NEU4: variants seen among roughly 807,000 people sequenced by gnomAD.
NEU4 encodes the protein neuraminidase 4, also known as sialidase-4.
Under a neutral mutation model 9.9 loss-of-function variants are expected in NEU4, and 7 were observed. The ratio of observed to expected loss-of-function variants is 0.71; its 90% CI spans 0.40 to 1.33. The LOEUF is 1.33. Among genes scored for constraint, NEU4 ranks in the 40% most tolerant of loss-of-function variants. NEU4 has a pLI of 0.01. For missense variants in NEU4, 717 were observed against 712.6 expected, an observed-to-expected ratio of 1.01 and a Z score of -0.07; for synonymous variants, 348 against 316.9, an observed-to-expected ratio of 1.10 and a Z score of -1.04.
At chr2:241,811,341 C>T (rs572115204) in intron 1 of NEU4, 32 of 1,427,846 alleles carry the variant, frequency 2.2e-5, no homozygotes, top group South Asian at 1.4e-4. Flanking sequence ...AGGGTCCTGA[C>T]GTAGCCCTGA....
At chr2:241,813,229 C>A in intron 1 of NEU4, 2 of 703,720 alleles carry the variant, frequency 2.8e-6, no homozygotes, top group Non-Finnish European at 3.5e-6. Flanking sequence ...TGGGTCCCGC[C>A]TGACCCGTGG....
chr2:241,817,341 G>C lies in NEU4; in HGVS notation c.*293G>C, dbSNP rs1700391419. On this transcript the variant is annotated 3_prime_UTR_variant, in exon 4 of 4. Coordinates refer to ENST00000407683, the MANE Select transcript of NEU4 (RefSeq NM_001167600.3). ...AGGCGCGGGACCGCAGGTAGCCCAG[G>C]GTGTTGTGGGTGGCAGCACTTGTTT... The C allele has an allele frequency of 2.3e-6, 1 of 441,892 alleles. No individual in the cohort carries two copies. Among genetic ancestry groups the C allele is most frequent in the Non-Finnish European group, 4.0e-6 (1 of 252,812 alleles). The allele number at this position is 441,892 out of a possible 1,614,324, so 27.4% of individuals were successfully genotyped here.
At chr2:241,815,427 C>A in intron 3 of NEU4, 1 of 596,298 alleles carries the variant, frequency 1.7e-6, no homozygotes, top group Non-Finnish European at 3.1e-6. Context: ...TCCTGCACCT[C>A]CCGTCCCAGG....
In NEU4 at chr2:241,815,041, G is replaced by C. The variant is rs760174998; in HGVS notation, c.351G>C (p.Thr117=). ...CGCCTGAGGCCGTGCAGATCGCCAC[G>C]GGAAGGAACGCCGCGCGCCTCTGCT... is the stretch of plus-strand genomic sequence containing the variant. ...GHTPEAVQIA[T]GRNAARLCCV... Residue 117 remains threonine (T), a synonymous_variant, in exon 3 of 4, where the codon ACG becomes ACC. Transcript: ENST00000407683. The C allele has an allele frequency of 5.0e-6, 8 of 1,596,722 alleles. No homozygotes were observed. Among genetic ancestry groups the C allele is most frequent in the Non-Finnish European group, 5.9e-6 (7 of 1,177,108 alleles).
intron 1 of NEU4, among the ~76,000 whole-genome samples, chr2:241,810,148 C>G (rs1467906522): frequency 1.3e-5 from 2 of 152,162 alleles, no homozygotes; most frequent in Non-Finnish European, 2.9e-5. Context: ...AGGATGTGTA[C>G]GATGGCCAAG....
intron 3 of NEU4, 163 bp downstream of exon 3, chr2:241,815,310 A>G (rs1700285612): frequency 9.8e-7 from 1 of 1,020,800 alleles, no homozygotes; most frequent in African/African-American, 1.6e-5. Context: ...CGTCCCAGGC[A>G]AATCCCTCTC....
chr2:241,809,293 G>C lies in NEU4; in HGVS notation c.-4+19G>C. 1 of 1,277,286 alleles carries C rather than the reference G, an allele frequency of 7.8e-7. No individual in the cohort carries two copies. Among genetic ancestry groups the C allele is most frequent in the Non-Finnish European group, 1.0e-6 (1 of 978,076 alleles). The allele number at this position is 1,277,286 out of a possible 1,614,324, so 79.1% of individuals were successfully genotyped here. A position where few individuals can be genotyped will look rare whatever the true frequency, so the allele number is the denominator to read the frequency against. Reference sequence around the variant, plus strand: ...GAAACTGGTACGGTCTTTTTGAATAGAAATTTGGGGTCTTTCTGGCGACGT... The same window carrying C: ...GAAACTGGTACGGTCTTTTTGAATACAAATTTGGGGTCTTTCTGGCGACGT... On this transcript the variant is annotated intron_variant, in intron 1 of 3. Transcript: ENST00000407683.
rs754004467 is a variant in NEU4, at chr2:241,816,750, G to A, written c.1157G>A (p.Arg386His). Residue 386 changes from arginine (R) to histidine (H), a missense_variant, in exon 4 of 4, where the codon CGC (arginine) becomes CAC (histidine). Arg to His is a conservative substitution (Grantham distance 29). Transcript: ENST00000407683. ...CTGCTGTACTCCCACCCAGTGGGGC[G>A]CAGGGCTCGGCTACACATGGGTATC... The part of the protein sequence containing the change: ...TWLLYSHPVG[R>H]RARLHMGIRL... 2.4e-5 allele frequency: 38 copies of A among 1,569,778 alleles called. No individual in the cohort carries two copies. Among genetic ancestry groups the A allele is most frequent in the African/African-American group, 6.8e-5 (5 of 73,728 alleles).
chr2:241,814,802 A>T (rs1263888685), intron 2 of NEU4, 90 bp from the exon 3 acceptor site: 113 of 1,543,968 alleles, frequency 7.3e-5, no homozygotes, highest in Non-Finnish European at 4.7e-5. Context: ...AGAGATGAGC[A>T]AACCAGGCTC....
intron 3 of NEU4, chr2:241,815,563 T>A: frequency 2.0e-6 from 1 of 494,472 alleles, no homozygotes; most frequent in South Asian, 1.6e-5. Context: ...GACGCTGAGG[T>A]GTCTCTCAGC....
rs1446158828 is a variant in NEU4, at chr2:241,816,582, C to T, written c.989C>T (p.Pro330Leu). Residue 330 changes from proline (P) to leucine (L), a missense_variant, in exon 4 of 4, where the codon CCT becomes CTT. Transcript: ENST00000407683. The part of the protein sequence containing the change: ...AAVDPRGGQV[P>L]GGPFSRLQPR... ...GTAGACCCCCGTGGAGGCCAGGTGCCTGGTGGGCCCTTCAGCCGTCTGCAG... is the reference window on the plus strand; with the variant it reads ...GTAGACCCCCGTGGAGGCCAGGTGCTTGGTGGGCCCTTCAGCCGTCTGCAG... 6 of 1,602,682 alleles carry T rather than the reference C, an allele frequency of 3.7e-6. No homozygotes were observed. The East Asian group carries it at 1.1e-4, about 30-fold the overall frequency.
At chr2:241,811,604 C>CTGGGGTTGGCA in intron 1 of NEU4, 6 of 630,022 alleles carry the variant, frequency 9.5e-6, no homozygotes, top group Non-Finnish European at 1.4e-5. Flanking sequence ...TTGCCAACCC[C>CTGGGGTTGGCA]AGGGTGGCTC....
chr2:241,813,356 G>A, intron 1 of NEU4: 2 of 1,049,646 alleles, frequency 1.9e-6, no homozygotes, highest in South Asian at 2.7e-5. Flanking sequence ...TGCCCCGTGT[G>A]CCCGGCCTGG....
chr2:241,811,412 A>C (rs1471985730), intron 1 of NEU4: 6 of 1,551,110 alleles, frequency 3.9e-6, no homozygotes, highest in Non-Finnish European at 4.4e-6. Flanking sequence ...GCTCTGGGTC[A>C]GGCGAGGCAG....
chr2:241,814,222 G>T (rs1300807678), intron 1 of NEU4: 5 of 640,738 alleles, frequency 7.8e-6, no homozygotes, highest in Non-Finnish European at 1.4e-5. Context: ...AGCTCCCAGA[G>T]CCGTGTTGAG....
chr2:241,812,176 CA>C (rs1700138938), intron 1 of NEU4, among the ~76,000 whole-genome samples: 1 of 131,494 alleles, frequency 7.6e-6, no homozygotes. Flanking sequence ...GGCACCCACA[CA>C]GGATGGGCTG....
At chr2:241,815,595 G>A (rs1478202627) in intron 3 of NEU4, 5 of 492,164 alleles carry the variant, frequency 1.0e-5, no homozygotes, top group East Asian at 6.5e-5. Flanking sequence ...CAGCCACCCC[G>A]CCCCACCCCT....
At chr2:241,810,739 G>A (rs890482179) in intron 1 of NEU4, 40 of 156,800 alleles carry the variant, frequency 2.6e-4, no homozygotes, top group African/African-American at 9.4e-4. Context: ...GGGACAGGCT[G>A]GGGGCAGGCC....
chr2:241,811,904 C>T (rs186463850), intron 1 of NEU4: 188 of 171,990 alleles, frequency 1.1e-3, no homozygotes, highest in African/African-American at 4.1e-3. Flanking sequence ...GGGCCCAGGA[C>T]GCTCACGGTG....
Sources: gnomAD v4.1 joint callset for allele counts (sites outside exome capture counted in the v4.1 genomes callset) on GRCh38, gnomAD v4.1.1 for gene constraint, MANE v1.5 for transcripts, NCBI Gene and HGNC (gene_info 2026-07-23, HGNC 2026-07-21) for gene names.